INTS14: variants seen among roughly 807,000 people sequenced by gnomAD.
The protein encoded by INTS14 is integrator complex subunit 14.
A neutral mutation model predicts 56.9 loss-of-function variants in INTS14; 27 were observed. That is an observed-to-expected ratio of 0.47 (90% CI 0.35 to 0.65). The LOEUF is 0.65. Among genes scored for constraint, INTS14 ranks in the 30% least tolerant of loss-of-function variants. INTS14 has a pLI of 0.00. For missense variants in INTS14, 517 were observed against 632.2 expected, an observed-to-expected ratio of 0.82 and a Z score of 1.95; for synonymous variants, 207 against 236.2, an observed-to-expected ratio of 0.88 and a Z score of 1.13.
At chr15:65,610,178 G>A (rs2073842180) in intron 1 of INTS14, among the ~76,000 whole-genome samples, 1 of 152,114 alleles carries the variant, frequency 6.6e-6, no homozygotes, top group African/African-American at 2.4e-5. Flanking sequence ...TGACCAACAT[G>A]GTGAAACCCC....
At chr15:65,609,603 A>G (rs1016213600) in intron 1 of INTS14, among the ~76,000 whole-genome samples, 2 of 152,192 alleles carry the variant, frequency 1.3e-5, no homozygotes, top group Admixed American at 6.5e-5. Flanking sequence ...GATATACCAT[A>G]TATTATTTAG....
intron 1 of INTS14, chr15:65,610,547 T>G: frequency 1.1e-6 from 1 of 916,514 alleles, no homozygotes; most frequent in Non-Finnish European, 1.7e-6. Context: ...GCCACCTATT[T>G]GGCCTTGAAT....
At chr15:65,594,294 G>C (rs1596250245) in intron 7 of INTS14, among the ~76,000 whole-genome samples, 1 of 152,100 alleles carries the variant, frequency 6.6e-6, no homozygotes, top group Non-Finnish European at 1.5e-5. Context: ...TTTGTTCAAA[G>C]ACTTTCTAAT....
intron 1 of INTS14, among the ~76,000 whole-genome samples, chr15:65,608,705 C>T (rs985017501): frequency 1.3e-5 from 2 of 152,198 alleles, no homozygotes; most frequent in East Asian, 1.9e-4. Context: ...GTATTATACA[C>T]TGCTTACAAC....
intron 3 of INTS14, among the ~76,000 whole-genome samples, chr15:65,600,654 CAA>C (rs201916909): frequency 2.6e-5 from 3 of 114,476 alleles, no homozygotes; most frequent in Non-Finnish European, 3.8e-5. Context: ...CCTGGCCCCG[CAA>C]AAAAAAAAAA....
intron 9 of INTS14, among the ~76,000 whole-genome samples, chr15:65,590,383 G>A (rs562268210): frequency 1.3e-5 from 2 of 152,288 alleles, no homozygotes; most frequent in Admixed American, 6.5e-5. Context: ...CTCCTCTTCA[G>A]TGGTTTCCCA....
rs375872963 is a variant in INTS14 at position 65,608,389 on chromosome 15, AT to A, written c.-62-948del. ...CAAAAAAAAAAAAAAAAAAAAAAAA[AT>A]TTATACAGCTGGAATTATCTCATGA... On this transcript the variant is annotated intron_variant, in intron 1 of 11. Transcript: ENST00000313182. Among the ~76,000 whole-genome samples, 316 of 146,042 alleles carry A rather than the reference AT, an allele frequency of 2.2e-3. 9 individuals carry two copies. The highest frequency in any genetic ancestry group is 7.8e-3 in the African/African-American group (303 of 38,886).
chr15:65,584,739 C>T, intron 10 of INTS14, 31 bp downstream of exon 10: 1 of 1,593,588 alleles, frequency 6.3e-7, no homozygotes, highest in Non-Finnish European at 8.6e-7. Flanking sequence ...CTCCTGTCCC[C>T]AGTGGAAAGC....
chr15:65,599,098 A>G, intron 4 of INTS14, 108 bp from the exon 5 acceptor site: 1 of 702,886 alleles, frequency 1.4e-6, no homozygotes, highest in Non-Finnish European at 2.4e-6. Context: ...TAAATAACAG[A>G]TGATTTTTTT....
At chr15:65,591,852 T>C (rs1466497220) in intron 8 of INTS14, 121 bp from the exon 9 acceptor site, 4 of 1,147,226 alleles carry the variant, frequency 3.5e-6, no homozygotes, top group African/African-American at 1.5e-5. Flanking sequence ...TCAGGCACAC[T>C]ACTTTTACCA....
chr15:65,581,783 A>G (rs1042429397), intron 11 of INTS14, among the ~76,000 whole-genome samples, 171 bp downstream of exon 11: 3 of 151,422 alleles, frequency 2.0e-5, no homozygotes, highest in African/African-American at 7.3e-5. Context: ...AAATTCTTCC[A>G]ATTCTTGGAT....
intron 1 of INTS14, 134 bp from the exon 2 acceptor site, chr15:65,607,576 C>A: frequency 1.9e-6 from 2 of 1,034,514 alleles, no homozygotes; most frequent in Non-Finnish European, 2.7e-6. Context: ...CTGTAGAGAA[C>A]TCAGTGAGAG....
intron 9 of INTS14, 135 bp from the exon 10 acceptor site, chr15:65,585,023 T>C (rs1466875822): frequency 2.7e-6 from 2 of 744,490 alleles, no homozygotes; most frequent in Non-Finnish European, 4.1e-6. Flanking sequence ...ATCCATTAAC[T>C]TCAGTCAGGT....
intron 2 of INTS14, 54 bp from the exon 3 acceptor site, chr15:65,605,290 T>C: frequency 7.4e-7 from 1 of 1,350,552 alleles, no homozygotes; most frequent in Admixed American, 1.7e-5. Context: ...AATTAGGTAT[T>C]AGAAAACAAC....
At chr15:65,594,575 T>C (rs1218538561) in intron 7 of INTS14, among the ~76,000 whole-genome samples, 2 of 148,560 alleles carry the variant, frequency 1.3e-5, no homozygotes, top group African/African-American at 5.0e-5. Context: ...TTTTTTTTTT[T>C]GTATTTTTAG....
intron 5 of INTS14, 44 bp from the exon 6 acceptor site, chr15:65,598,507 C>T (rs2073301378): frequency 6.4e-7 from 1 of 1,569,158 alleles, no homozygotes; most frequent in Non-Finnish European, 8.7e-7. Flanking sequence ...TAATACGATA[C>T]ATATGAAGTT....
chr15:65,610,933 G>A, intron 1 of INTS14, 165 bp downstream of exon 1: 1 of 1,464,412 alleles, frequency 6.8e-7, no homozygotes, highest in Non-Finnish European at 9.0e-7. Context: ...GGGGAGGCCG[G>A]GAGCAGCGCC....
In INTS14 at chr15:65,598,434, A is replaced by G. The variant is rs1396429245; in HGVS notation, c.635T>C (p.Phe212Ser). 6.2e-7 allele frequency: 1 copy of G among 1,614,058 alleles called. No individual in the cohort carries two copies. Among genetic ancestry groups the G allele is most frequent in the Non-Finnish European group, 8.5e-7 (1 of 1,179,920 alleles). Reference sequence around the variant, plus strand: ...GTGGCCACACTTGAGAACAGCATGGAAAGGCGTATATGCCAAATCTATCAG... The same window carrying G: ...GTGGCCACACTTGAGAACAGCATGGGAAGGCGTATATGCCAAATCTATCAG... The part of the protein sequence containing the change: ...GKLIDLAYTP[F>S]HAVLKCGHLT... Residue 212 changes from phenylalanine (F) to serine (S), a missense_variant, in exon 6 of 12, where the codon TTC (phenylalanine) becomes TCC (serine). Coordinates refer to ENST00000313182, the MANE Select transcript of INTS14 (RefSeq NM_001394796.1).
At chr15:65,601,602 A>G (rs2073436792) in intron 3 of INTS14, among the ~76,000 whole-genome samples, 1 of 152,088 alleles carries the variant, frequency 6.6e-6, no homozygotes, top group Non-Finnish European at 1.5e-5. Context: ...CGGCCTCCCA[A>G]AGTGCTGGGA....
Sources: allele counts gnomAD v4.1 joint callset (sites outside exome capture counted in the v4.1 genomes callset), GRCh38; gene constraint gnomAD v4.1.1; transcripts MANE v1.5; gene names NCBI Gene and HGNC (gene_info 2026-07-23, HGNC 2026-07-21).